The following CASQ2 variants were observed in gnomAD, a reference collection of about 807,000 sequenced individuals.
CASQ2 encodes the protein calsequestrin-2.
CASQ2 carries 49 observed loss-of-function variants against 46.5 expected under a neutral mutation model. The ratio of observed to expected loss-of-function variants is 1.05; its 90% CI spans 0.84 to 1.34. CASQ2 has a LOEUF of 1.34. Ranked by LOEUF, CASQ2 falls within the 40% of genes most tolerant of loss-of-function variation. The pLI is 0.00. For missense variants in CASQ2, 486 were observed against 481.3 expected (o/e 1.01, Z -0.09); for synonymous variants, 174 against 168.5 (o/e 1.03, Z -0.25).
intron 1 of CASQ2, among the ~76,000 whole-genome samples, chr1:115,767,587 A>G (rs553962966): frequency 5.8e-4 from 88 of 152,292 alleles, no homozygotes; most frequent in African/African-American, 2.1e-3. Flanking sequence ...TAAGCTGTCC[A>G]GGAGGAGCTG....
intron 3 of CASQ2, among the ~76,000 whole-genome samples, chr1:115,740,370 C>A (rs1362460701): frequency 6.6e-6 from 1 of 152,152 alleles, no homozygotes; most frequent in East Asian, 1.9e-4. Flanking sequence ...GTACTCCCAT[C>A]CCTCCTCTCT....
intron 1 of CASQ2, among the ~76,000 whole-genome samples, chr1:115,746,204 T>C (rs10737733): frequency 0.27 from 41,452 of 151,746 alleles, 6,069 homozygotes; most frequent in East Asian, 0.43. Context: ...TATGAATGTA[T>C]CATAGTTTGT....
At chr1:115,731,225 G>A (rs886323651) in intron 5 of CASQ2, among the ~76,000 whole-genome samples, 1 of 152,070 alleles carries the variant, frequency 6.6e-6, no homozygotes, top group Non-Finnish European at 1.5e-5. Flanking sequence ...CTTTTTCATG[G>A]ACCACAGGCA....
In CASQ2 at chr1:115,768,392, G is replaced by A. The variant is rs1570867364; in HGVS notation, c.150C>T (p.Asp50=). ...GCTCATGGTAGTAGAGGCAAAGCAA[G>A]TCATATTTCTTTAAAACCTGCTTGA... The part of the protein sequence containing the change: ...KNFKQVLKKY[D]LLCLYYHEPV... Residue 50 remains aspartate (D), a synonymous_variant, in exon 1 of 11, where the codon GAC becomes GAT. Transcript: ENST00000261448. The A allele has an allele frequency of 6.2e-7, 1 of 1,614,024 alleles. No homozygotes were observed. The highest frequency in any genetic ancestry group is 8.5e-7 in the Non-Finnish European group (1 of 1,179,934).
At chr1:115,723,105 G>A (rs2101074383) in intron 7 of CASQ2, among the ~76,000 whole-genome samples, 1 of 152,136 alleles carries the variant, frequency 6.6e-6, no homozygotes, top group Non-Finnish European at 1.5e-5. Context: ...ATGTAAGTGT[G>A]GAATCCTGGA....
At chr1:115,743,083 C>T (rs1648248799) in intron 2 of CASQ2, among the ~76,000 whole-genome samples, 1 of 152,124 alleles carries the variant, frequency 6.6e-6, no homozygotes, top group African/African-American at 2.4e-5. Context: ...AGCCATTAAA[C>T]TGTTTTTGAC....
chr1:115,726,470 C>G (rs1485884563), intron 6 of CASQ2, among the ~76,000 whole-genome samples: 2 of 152,194 alleles, frequency 1.3e-5, no homozygotes, highest in African/African-American at 2.4e-5. Flanking sequence ...TTGTTCTTTA[C>G]AGAAAAAGTT....
chr1:115,746,657 T>G (rs755069227), intron 1 of CASQ2, among the ~76,000 whole-genome samples: 13 of 152,250 alleles, frequency 8.5e-5, no homozygotes, highest in Non-Finnish European at 1.8e-4. Flanking sequence ...TTCACATCTT[T>G]TGCTCATTTT....
chr1:115,716,764 G>T (rs1464001082), intron 8 of CASQ2, among the ~76,000 whole-genome samples: 1 of 152,164 alleles, frequency 6.6e-6, no homozygotes, highest in Non-Finnish European at 1.5e-5. Context: ...TTGCCCTCTG[G>T]CCCACTTCTC....
At position 115,700,812 on chromosome 1, in the gene CASQ2, C is replaced by T. The variant is rs1654182424; in HGVS notation, c.*429G>A. 5.9e-6 allele frequency: 3 copies of T among 508,758 alleles called. No homozygotes were observed. In the East Asian group the frequency reaches 8.9e-5, roughly 15 times the overall value. The allele number at this position is 508,758 out of a possible 1,614,324, so 31.5% of individuals were successfully genotyped here. A position where few individuals can be genotyped will look rare whatever the true frequency, so the allele number is the denominator to read the frequency against. On this transcript the variant is annotated 3_prime_UTR_variant, in exon 11 of 11. Coordinates refer to ENST00000261448, the MANE Select transcript of CASQ2 (RefSeq NM_001232.4). ...GTATGGAGGGAGCTAAATCATTAAT[C>T]ATGTGTCTTCCCTGGGCTCTGATTA...
chr1:115,702,907 CAG>C lies in CASQ2; in HGVS notation c.1014+12_1014+13del. 1.2e-6 allele frequency: 2 copies of C among 1,607,870 alleles called. No individual in the cohort carries two copies. The highest frequency in any genetic ancestry group is 1.7e-6 in the Non-Finnish European group (2 of 1,175,190). On this transcript the variant is annotated intron_variant, in intron 10 of 10. Transcript: ENST00000261448. ...CCAAGGGTGCCTGAGCAAGCCTTCACAGGGGATACTCACATCTGTGACATTCA... is the reference window on the plus strand; with the variant it reads ...CCAAGGGTGCCTGAGCAAGCCTTCACGGGATACTCACATCTGTGACATTCA...
chr1:115,726,090 A>T (rs1391587681), intron 6 of CASQ2, among the ~76,000 whole-genome samples: 1 of 152,204 alleles, frequency 6.6e-6, no homozygotes, highest in Admixed American at 6.5e-5. Flanking sequence ...TGCTGGACAT[A>T]TTAATATTTG....
At chr1:115,746,290 T>A (rs1648388350) in intron 1 of CASQ2, among the ~76,000 whole-genome samples, 1 of 152,178 alleles carries the variant, frequency 6.6e-6, no homozygotes, top group Non-Finnish European at 1.5e-5. Flanking sequence ...GCTATAAAGT[T>A]TAGTGTATAG....
chr1:115,700,071 A>G lies in CASQ2; in HGVS notation c.*1170T>C, dbSNP rs1654158225. 1 of 152,598 alleles carries G rather than the reference A, an allele frequency of 6.6e-6. No homozygotes were observed. The highest frequency in any genetic ancestry group is 1.5e-5 in the Non-Finnish European group (1 of 68,032). The allele number at this position is 152,598 out of a possible 1,614,324, so 9.5% of individuals were successfully genotyped here. On this transcript the variant is annotated 3_prime_UTR_variant, in exon 11 of 11. Transcript: ENST00000261448. ...CAGAATTAGTTAGCTAGTATTCCAC[A>G]AAAAGTATTGCTCTATTTTCAAAAA...
rs1342542608 is a variant in CASQ2, at chr1:115,761,497, GAGA to G, written c.234+6808_234+6810del. Among the ~76,000 whole-genome samples, 13 of 18,938 alleles carry G rather than the reference GAGA, an allele frequency of 6.9e-4. 1 individual carries two copies. The highest frequency in any genetic ancestry group is 3.7e-3 in the African/African-American group (13 of 3,540). The allele number at this position is 18,938 out of a possible 152,430, so 12.4% of individuals were successfully genotyped here. On this transcript the variant is annotated intron_variant, in intron 1 of 10. Coordinates refer to ENST00000261448, the MANE Select transcript of CASQ2 (RefSeq NM_001232.4). Reference sequence around the variant, plus strand: ...GAAGAAGAAGAAGAAGGAGAAGAAGGAGAAGAAGAAGAAGAAGAAGAAGAAGAA... The same window carrying G: ...GAAGAAGAAGAAGAAGGAGAAGAAGGAGAAGAAGAAGAAGAAGAAGAAGAA...
In CASQ2 at chr1:115,768,327, A is replaced by G; in HGVS notation, c.215T>C (p.Leu72Pro). ...ACTTACCTCAAGCACGATTTCTTTC[A>G]GTTGGAACTGTTTTTGCGTGACCTT... ...SDKVTQKQFQ[L>P]KEIVLELVAQ... is the part of the protein sequence containing the mutation. Residue 72 changes from leucine to proline, a missense_variant, in exon 1 of 11, where the codon CTG (leucine) becomes CCG (proline). Coordinates refer to ENST00000261448, the MANE Select transcript of CASQ2 (RefSeq NM_001232.4). 1 of 1,612,630 alleles carries G rather than the reference A, an allele frequency of 6.2e-7. No individual in the cohort carries two copies. The highest frequency in any genetic ancestry group is 8.5e-7 in the Non-Finnish European group (1 of 1,178,658).
chr1:115,740,619 G>A (rs1648142464), intron 3 of CASQ2, 109 bp downstream of exon 3: 1 of 743,546 alleles, frequency 1.3e-6, no homozygotes, highest in Non-Finnish European at 2.4e-6. Flanking sequence ...TGAAAAACCT[G>A]TCACAGATGA....
intron 7 of CASQ2, among the ~76,000 whole-genome samples, chr1:115,723,560 C>T (rs796133735): frequency 4.0e-4 from 60 of 150,886 alleles, no homozygotes; most frequent in African/African-American, 1.4e-3. Flanking sequence ...TTTTTTGAGA[C>T]AGGGTCTCAC....
chr1:115,767,089 C>A (rs1177638846), intron 1 of CASQ2, among the ~76,000 whole-genome samples: 2 of 152,088 alleles, frequency 1.3e-5, no homozygotes, highest in Non-Finnish European at 2.9e-5. Flanking sequence ...ATAACAATGT[C>A]TCTTGATAAC....
Sources: allele counts gnomAD v4.1 joint callset (sites outside exome capture counted in the v4.1 genomes callset), GRCh38; gene constraint gnomAD v4.1.1; transcripts MANE v1.5; gene names NCBI Gene and HGNC (gene_info 2026-07-23, HGNC 2026-07-21).